The following LRRC4B variants were observed in gnomAD, a reference collection of about 807,000 sequenced individuals.
LRRC4B encodes the protein leucine-rich repeat-containing protein 4B.
A neutral mutation model predicts 7.3 loss-of-function variants in LRRC4B; 1 was observed. The ratio of observed to expected loss-of-function variants is 0.14; its 90% CI spans 0.05 to 0.65. The LOEUF is 0.65. Among genes scored for constraint, LRRC4B ranks in the 30% least tolerant of loss-of-function variants. The pLI, the probability that LRRC4B is intolerant of heterozygous loss-of-function variation, is 0.84. For missense variants in LRRC4B, 730 were observed against 1,041.6 expected (o/e 0.70, Z 4.12); for synonymous variants, 500 against 499.2 (o/e 1.00, Z -0.02).
At chr19:50,525,588 T>C (rs1980774959) in intron 2 of LRRC4B, among the ~76,000 whole-genome samples, 1 of 151,346 alleles carries the variant, frequency 6.6e-6, no homozygotes, top group South Asian at 2.1e-4. Context: ...GTATTTTTTT[T>C]TTTTTTTTTT....
rs550500481 is a variant in LRRC4B at position 50,540,064 on chromosome 19, T to G, written c.297+8478A>C. ...TATTGCTTAAGTTTTAAAAGTGAATTGGAGATCCTATTCACATTCTTTGAA... is the reference window on the plus strand; with the variant it reads ...TATTGCTTAAGTTTTAAAAGTGAATGGGAGATCCTATTCACATTCTTTGAA... On this transcript the variant is annotated intron_variant, in intron 2 of 2. Transcript: ENST00000652263. Among the ~76,000 whole-genome samples the G allele has an allele frequency of 5.9e-5, 9 of 152,286 alleles. No homozygotes were observed. The East Asian group carries it at 1.7e-3, about 29-fold the overall frequency.
chr19:50,542,897 G>C (rs1271534919), intron 2 of LRRC4B, among the ~76,000 whole-genome samples: 1 of 152,160 alleles, frequency 6.6e-6, no homozygotes, highest in African/African-American at 2.4e-5. Flanking sequence ...TAGCTTCCCA[G>C]AGAGAGGCCA....
chr19:50,549,452 A>C (rs1296429816), intron 1 of LRRC4B, among the ~76,000 whole-genome samples: 2 of 149,528 alleles, frequency 1.3e-5, no homozygotes, highest in Admixed American at 6.6e-5. Context: ...GAAGAGATGC[A>C]TTTCCCCCAC....
At chr19:50,561,684 G>A (rs1982467719) in intron 1 of LRRC4B, among the ~76,000 whole-genome samples, 1 of 152,140 alleles carries the variant, frequency 6.6e-6, no homozygotes, top group Non-Finnish European at 1.5e-5. Flanking sequence ...GCAGTGAGCT[G>A]TGGTTGTGCC....
rs539976624 is a variant in LRRC4B, at chr19:50,522,754, C to T, written c.298-3339G>A. Among the ~76,000 whole-genome samples, 226 of 152,222 alleles carry T rather than the reference C, an allele frequency of 1.5e-3. 2 individuals are homozygous for T. The highest frequency in any genetic ancestry group is 4.6e-3 in the South Asian group (22 of 4,818). ...TGGCCTTCCAAAGTGCTGGGATTAC[C>T]GGCGTGAGCCACCTCACCCAGCCAC... On this transcript the variant is annotated intron_variant, in intron 2 of 2. Transcript: ENST00000652263.
intron 2 of LRRC4B, among the ~76,000 whole-genome samples, chr19:50,538,951 G>A (rs915999511): frequency 6.7e-6 from 1 of 150,056 alleles, no homozygotes; most frequent in Admixed American, 6.7e-5. Context: ...GCAGTGGCAC[G>A]ATCTCGGCTC....
In LRRC4B at chr19:50,568,312, G is replaced by A. The variant is rs1219253093; in HGVS notation, c.-404C>T. On this transcript the variant is annotated 5_prime_UTR_variant, in exon 1 of 3. Transcript: ENST00000652263. ...CCTTCCTTCCTCCCTCCTCGGGCCCGCCGGCGCCGCTCTCCCCCCACCCCA... is the reference window on the plus strand; with the variant it reads ...CCTTCCTTCCTCCCTCCTCGGGCCCACCGGCGCCGCTCTCCCCCCACCCCA... Among the ~76,000 whole-genome samples the A allele has an allele frequency of 2.7e-5, 4 of 149,936 alleles. No individual in the cohort carries two copies. The highest frequency in any genetic ancestry group is 2.0e-4 in the Admixed American group (3 of 15,114).
chr19:50,565,482 T>G (rs1982597194), intron 1 of LRRC4B, among the ~76,000 whole-genome samples: 1 of 151,996 alleles, frequency 6.6e-6, no homozygotes, highest in Admixed American at 6.5e-5. Context: ...CCTCTCTGGT[T>G]CCATATCGGG....
chr19:50,550,893 G>C (rs1478461245), intron 1 of LRRC4B: 1 of 152,246 alleles, frequency 6.6e-6, no homozygotes, highest in Non-Finnish European at 1.5e-5. Context: ...TTAAGACCCT[G>C]GCGATGATCC....
At chr19:50,524,525 A>C (rs938321732) in intron 2 of LRRC4B, among the ~76,000 whole-genome samples, 11 of 152,128 alleles carry the variant, frequency 7.2e-5, no homozygotes, top group Non-Finnish European at 1.5e-4. Flanking sequence ...AAGTGCTGGG[A>C]TTATAGGTGT....
rs1555807854 is a variant in LRRC4B, at chr19:50,543,870, A to AAAAG, written c.297+4668_297+4671dup. On this transcript the variant is annotated intron_variant, in intron 2 of 2. Coordinates refer to ENST00000652263, the MANE Select transcript of LRRC4B (RefSeq NM_001080457.2). ...TCCATCTCAAAAAAAAAAAAAAAAA[A>AAAAG]AAAGAAAGAAAAGAAAAAAGAAAAA... Among the ~76,000 whole-genome samples, 880 of 138,794 alleles carry AAAAG rather than the reference A, an allele frequency of 6.3e-3. 13 individuals are homozygous for AAAAG. The highest frequency in any genetic ancestry group is 8.7e-3 in the South Asian group (37 of 4,260). 91.1% of individuals were successfully genotyped at this position (138,794 alleles called of 152,430 possible).
intron 2 of LRRC4B, among the ~76,000 whole-genome samples, chr19:50,526,324 C>T (rs1375725079): frequency 6.6e-6 from 1 of 152,134 alleles, no homozygotes; most frequent in Admixed American, 6.5e-5. Flanking sequence ...ACCTTTCCTG[C>T]TTTTTTCCTG....
At chr19:50,564,625 A>C (rs547276902) in intron 1 of LRRC4B, among the ~76,000 whole-genome samples, 1 of 152,138 alleles carries the variant, frequency 6.6e-6, no homozygotes, top group East Asian at 1.9e-4. Flanking sequence ...GTCCCAGGGA[A>C]GATGAGGGGA....
In LRRC4B at chr19:50,548,445, A is replaced by G. The variant is rs920138415; in HGVS notation, c.297+97T>C. 1.0e-5 allele frequency: 15 copies of G among 1,466,384 alleles called. No homozygotes were observed. Among genetic ancestry groups the G allele is most frequent in the Admixed American group, 2.0e-5 (1 of 49,934 alleles). The allele number at this position is 1,466,384 out of a possible 1,614,324, so 90.8% of individuals were successfully genotyped here. ...CATCCACAGGTGCCGGAGACGGGGA[A>G]GCCCCGGTGTGGGGAGGCCCAGAAG... On this transcript the variant is annotated intron_variant, in intron 2 of 2. Coordinates refer to ENST00000652263, the MANE Select transcript of LRRC4B (RefSeq NM_001080457.2). The surrounding 1 kb of genome is among the most constrained non-coding windows in gnomAD (Gnocchi z 6.8).
At chr19:50,541,967 A>G (rs977958281) in intron 2 of LRRC4B, among the ~76,000 whole-genome samples, 1 of 152,348 alleles carries the variant, frequency 6.6e-6, no homozygotes, top group Middle Eastern at 3.4e-3. Flanking sequence ...ACACACAGCA[A>G]TATGAACCAC....
chr19:50,546,446 C>G (rs1981811430), intron 2 of LRRC4B, among the ~76,000 whole-genome samples: 1 of 152,182 alleles, frequency 6.6e-6, no homozygotes, highest in African/African-American at 2.4e-5. Context: ...AGCCCACTGA[C>G]AAACACTCAC....
chr19:50,535,128 A>G (rs1481977183), intron 2 of LRRC4B, among the ~76,000 whole-genome samples: 2 of 152,034 alleles, frequency 1.3e-5, no homozygotes, highest in Non-Finnish European at 2.9e-5. Context: ...TTGGCCTCCC[A>G]AAGTGCTGGG....
chr19:50,565,569 C>A (rs1982603249), intron 1 of LRRC4B, among the ~76,000 whole-genome samples: 1 of 145,882 alleles, frequency 6.9e-6, no homozygotes, highest in Non-Finnish European at 1.5e-5. Context: ...GTGTACCTGC[C>A]AGGGGAATCT....
intron 1 of LRRC4B, among the ~76,000 whole-genome samples, chr19:50,564,835 CA>C (rs1307367586): frequency 6.6e-6 from 1 of 151,488 alleles, no homozygotes; most frequent in Non-Finnish European, 1.5e-5. Context: ...GGCAAGAAAG[CA>C]GGGCCAGGGT....
Sources: allele counts gnomAD v4.1 joint callset (sites outside exome capture counted in the v4.1 genomes callset), GRCh38; gene constraint gnomAD v4.1.1; non-coding constraint Gnocchi (gnomAD v3.1); transcripts MANE v1.5; gene names NCBI Gene and HGNC (gene_info 2026-07-23, HGNC 2026-07-21).